NAALADL2: variants seen among roughly 807,000 people sequenced by gnomAD.
The protein encoded by NAALADL2 is inactive N-acetylated-alpha-linked acidic dipeptidase-like protein 2.
Under a neutral mutation model 87.2 loss-of-function variants are expected in NAALADL2, and 76 were observed. The ratio of observed to expected loss-of-function variants is 0.87; its 90% CI spans 0.72 to 1.05. The LOEUF (loss-of-function observed/expected upper bound fraction) is 1.05, where lower values mean the gene tolerates loss of function less well. Among genes scored for constraint, NAALADL2 ranks in the 50% least tolerant of loss-of-function variants. The pLI is 0.00. For synonymous variants in NAALADL2, 354 were observed against 331.0 expected, an observed-to-expected ratio of 1.07 and a Z score of -0.75; for missense variants, 1,089 against 945.8, an observed-to-expected ratio of 1.15 and a Z score of -1.99.
chr3:175,218,160 G>T (rs1025519186), intron 2 of NAALADL2: 3 of 430,750 alleles, frequency 7.0e-6, no homozygotes, highest in African/African-American at 6.1e-5. Context: ...ATATCTCTAA[G>T]AAGCACAATA....
intron 5 of NAALADL2, among the ~76,000 whole-genome samples, chr3:175,386,015 G>A (rs1440892559): frequency 1.3e-5 from 2 of 152,026 alleles, no homozygotes; most frequent in Admixed American, 6.6e-5. Context: ...TGAAGTCTGT[G>A]TGAGCATCGT....
At chr3:174,541,160 T>C (rs1327613386) in intron 1 of NAALADL2, among the ~76,000 whole-genome samples, 1 of 152,200 alleles carries the variant, frequency 6.6e-6, no homozygotes, top group Non-Finnish European at 1.5e-5. Context: ...TCAGGTAACA[T>C]TAATTTCAAA....
At chr3:175,575,881 C>T (rs1393387569) in intron 9 of NAALADL2, among the ~76,000 whole-genome samples, 160 bp from the exon 10 acceptor site, 1 of 152,118 alleles carries the variant, frequency 6.6e-6, no homozygotes, top group Non-Finnish European at 1.5e-5. Context: ...GCTCTACCAC[C>T]CATTAGGTAG....
rs117550266 is a variant in NAALADL2 at position 175,288,612 on chromosome 3, G to A, written c.939+32082G>A. 6.6e-4 allele frequency among the ~76,000 whole-genome samples: 99 copies of A among 151,100 alleles called. 2 individuals carry two copies. The East Asian group carries it at 0.013, about 20-fold the overall frequency. On this transcript the variant is annotated intron_variant, in intron 4 of 13. Coordinates refer to ENST00000454872, the MANE Select transcript of NAALADL2 (RefSeq NM_207015.3). ...CTGCTCCTTAGTCAAGGGTGTTTCT[G>A]TAGACTTACGTCCAAGTGGTTTCTC...
intron 4 of NAALADL2, among the ~76,000 whole-genome samples, chr3:175,260,881 G>A (rs1287090099): frequency 1.3e-5 from 2 of 152,132 alleles, no homozygotes; most frequent in Non-Finnish European, 2.9e-5. Flanking sequence ...GATCTCATTG[G>A]TTTGATCATA....
chr3:174,916,680 T>G lies in NAALADL2; in HGVS notation c.43+57230T>G, dbSNP rs1320153235. Among the ~76,000 whole-genome samples, 8 of 152,056 alleles carry G rather than the reference T, an allele frequency of 5.3e-5. No homozygotes were observed. The South Asian group carries it at 1.7e-3, about 32-fold the overall frequency. ...GCTAAGCTATGAGGACACAGAGGCA[T>G]AAGAGTGATATAATGGACTTTGGGG... On this transcript the variant is annotated intron_variant, in intron 1 of 13. Coordinates refer to ENST00000454872, the MANE Select transcript of NAALADL2 (RefSeq NM_207015.3).
chr3:175,477,821 A>G (rs1725922201), intron 9 of NAALADL2, among the ~76,000 whole-genome samples: 1 of 151,940 alleles, frequency 6.6e-6, no homozygotes, highest in Non-Finnish European at 1.5e-5. Context: ...GCTTCATTTT[A>G]TATTGTTTCA....
chr3:174,718,418 A>T (rs1391929367), intron 2 of NAALADL2, among the ~76,000 whole-genome samples: 5 of 152,168 alleles, frequency 3.3e-5, no homozygotes, highest in Non-Finnish European at 7.3e-5. Flanking sequence ...AGACAGGTAG[A>T]ACATACCTTC....
intron 1 of NAALADL2, among the ~76,000 whole-genome samples, chr3:174,477,029 T>C (rs558355969): frequency 2.6e-5 from 4 of 151,526 alleles, no homozygotes; most frequent in Non-Finnish European, 5.9e-5. Context: ...TCTATGAAAA[T>C]TAAAGAAAAG....
At chr3:175,470,055 A>C (rs1034113514) in intron 8 of NAALADL2, among the ~76,000 whole-genome samples, 4 of 152,128 alleles carry the variant, frequency 2.6e-5, no homozygotes, top group African/African-American at 7.2e-5. Context: ...GAAAGCATGC[A>C]GTATTTATGT....
At chr3:175,650,781 T>G (rs1730658268) in intron 11 of NAALADL2, among the ~76,000 whole-genome samples, 1 of 152,190 alleles carries the variant, frequency 6.6e-6, no homozygotes, top group Non-Finnish European at 1.5e-5. Flanking sequence ...TGCTTTTCTC[T>G]TATTAAAGAT....
At chr3:175,258,389 C>T (rs530350392) in intron 4 of NAALADL2, among the ~76,000 whole-genome samples, 2 of 150,892 alleles carry the variant, frequency 1.3e-5, no homozygotes, top group Middle Eastern at 7.0e-3. Flanking sequence ...CATTTCAGAT[C>T]CCGTCTTGAA....
At chr3:174,826,733 G>A (rs1012110331) in intron 3 of NAALADL2, among the ~76,000 whole-genome samples, 6 of 151,994 alleles carry the variant, frequency 3.9e-5, no homozygotes, top group African/African-American at 1.4e-4. Flanking sequence ...ATGTTTTATG[G>A]TTTATTTTTG....
intron 2 of NAALADL2, among the ~76,000 whole-genome samples, chr3:174,723,139 G>T (rs1260255174): frequency 6.6e-6 from 1 of 152,180 alleles, no homozygotes; most frequent in Non-Finnish European, 1.5e-5. Flanking sequence ...TAAGTGGACT[G>T]AGGGAAATTG....
intron 1 of NAALADL2, among the ~76,000 whole-genome samples, chr3:174,994,223 A>G (rs1004665825): frequency 6.6e-6 from 1 of 152,222 alleles, no homozygotes; most frequent in Admixed American, 6.5e-5. Context: ...GTGTCATTGT[A>G]ACTGAAAATA....
intron 3 of NAALADL2, among the ~76,000 whole-genome samples, chr3:174,741,848 G>A (rs563180777): frequency 2.3e-4 from 35 of 151,698 alleles, no homozygotes; most frequent in Admixed American, 9.2e-4. Flanking sequence ...TTACACAAGC[G>A]GTTTCCATTT....
At chr3:175,516,412 A>G (rs1398682792) in intron 9 of NAALADL2, among the ~76,000 whole-genome samples, 1 of 152,182 alleles carries the variant, frequency 6.6e-6, no homozygotes, top group Admixed American at 6.5e-5. Context: ...TATGTGTGAG[A>G]TAAGTGTGTG....
chr3:174,916,001 T>G (rs1734328047), intron 1 of NAALADL2, among the ~76,000 whole-genome samples: 1 of 152,062 alleles, frequency 6.6e-6, no homozygotes, highest in African/African-American at 2.4e-5. Context: ...GTGTCCAGAA[T>G]CTACAAGGGA....
intron 4 of NAALADL2, among the ~76,000 whole-genome samples, chr3:175,290,703 T>G (rs556392526): frequency 6.6e-6 from 1 of 152,208 alleles, no homozygotes; most frequent in Non-Finnish European, 1.5e-5. Context: ...AACTTCCACA[T>G]GCTTAGTGTT....
Sources: gnomAD v4.1 joint callset for allele counts (sites outside exome capture counted in the v4.1 genomes callset) on GRCh38, gnomAD v4.1.1 for gene constraint, MANE v1.5 for transcripts, NCBI Gene and HGNC (gene_info 2026-07-23, HGNC 2026-07-21) for gene names.